The following LRRC4C variants were observed in gnomAD, a reference collection of about 807,000 sequenced individuals.
LRRC4C encodes leucine rich repeat containing 4C, also known as leucine-rich repeat-containing protein 4C.
A neutral mutation model predicts 33.6 loss-of-function variants in LRRC4C; 5 were observed. The observed-to-expected ratio is 0.15, with a 90% confidence interval of 0.08 to 0.31. The LOEUF (loss-of-function observed/expected upper bound fraction) is 0.31, where lower values mean the gene tolerates loss of function less well. LRRC4C is among the 10% of genes least tolerant of loss of function. The probability of loss-of-function intolerance (pLI) is 1.00; values close to 1 mark genes in which losing one functional copy is unlikely to be tolerated. For synonymous variants in LRRC4C, 329 were observed against 302.0 expected (o/e 1.09, Z -0.93); for missense variants, 560 against 796.7 (o/e 0.70, Z 3.58).
intron 3 of LRRC4C, among the ~76,000 whole-genome samples, chr11:40,516,126 A>G: frequency 6.6e-6 from 1 of 152,196 alleles, no homozygotes; most frequent in East Asian, 1.9e-4. Flanking sequence ...CTAATACTAT[A>G]GTGGCATTAC....
chr11:40,198,988 G>T (rs1196281438), intron 5 of LRRC4C, among the ~76,000 whole-genome samples: 2 of 152,226 alleles, frequency 1.3e-5, no homozygotes, highest in Non-Finnish European at 2.9e-5. Flanking sequence ...AGATTCCGAG[G>T]CAGGAGCACG....
chr11:40,440,773 G>A (rs11035844), intron 3 of LRRC4C, among the ~76,000 whole-genome samples: 55,098 of 151,756 alleles, frequency 0.36, 10,638 homozygotes, highest in East Asian at 0.53. Context: ...AACAGATCCT[G>A]TACAACGCAG....
chr11:41,312,221 T>C (rs1950662288), intron 1 of LRRC4C, among the ~76,000 whole-genome samples: 1 of 152,234 alleles, frequency 6.6e-6, no homozygotes, highest in Non-Finnish European at 1.5e-5. Flanking sequence ...CCTAAGTTTC[T>C]ATATTCTACA....
At chr11:40,873,011 G>C (rs1270032815) in intron 2 of LRRC4C, among the ~76,000 whole-genome samples, 2 of 152,072 alleles carry the variant, frequency 1.3e-5, no homozygotes, top group Non-Finnish European at 2.9e-5. Flanking sequence ...ATGCAGATGA[G>C]GGGAAAAATA....
intron 2 of LRRC4C, among the ~76,000 whole-genome samples, chr11:40,699,137 G>C (rs188784502): frequency 6.6e-6 from 1 of 152,048 alleles, no homozygotes; most frequent in Non-Finnish European, 1.5e-5. Context: ...ACCTAAATCC[G>C]TTCATTACAA....
chr11:40,780,591 G>T (rs931149773), intron 2 of LRRC4C, among the ~76,000 whole-genome samples: 5 of 152,088 alleles, frequency 3.3e-5, no homozygotes, highest in African/African-American at 1.2e-4. Flanking sequence ...AGAGGAGGGT[G>T]TTTGACCTTT....
intron 3 of LRRC4C, among the ~76,000 whole-genome samples, chr11:40,530,212 A>C (rs1956218600): frequency 6.6e-6 from 1 of 152,096 alleles, no homozygotes; most frequent in South Asian, 2.1e-4. Context: ...CTCTAAAATT[A>C]TGATTTTAAT....
At chr11:40,367,794 C>A (rs1948276598) in intron 3 of LRRC4C, among the ~76,000 whole-genome samples, 1 of 152,098 alleles carries the variant, frequency 6.6e-6, no homozygotes, top group Admixed American at 6.6e-5. Flanking sequence ...TTCTCCACAG[C>A]AGTTATCTTC....
intron 2 of LRRC4C, among the ~76,000 whole-genome samples, chr11:40,736,216 A>G (rs543406200): frequency 1.3e-5 from 2 of 149,814 alleles, no homozygotes; most frequent in African/African-American, 4.9e-5. Flanking sequence ...CCCTGTGTCC[A>G]TGTGTTCTCA....
intron 2 of LRRC4C, among the ~76,000 whole-genome samples, chr11:40,906,845 A>T (rs921436120): frequency 4.6e-5 from 7 of 152,214 alleles, no homozygotes; most frequent in Middle Eastern, 3.2e-3. Context: ...ACAGAAAAAG[A>T]AAAGATAAAG....
intron 3 of LRRC4C, among the ~76,000 whole-genome samples, chr11:40,441,886 G>T (rs1015188430): frequency 6.6e-6 from 1 of 152,124 alleles, no homozygotes; most frequent in Non-Finnish European, 1.5e-5. Flanking sequence ...GAACTGGCTG[G>T]GCACCGTGGC....
At chr11:41,420,243 A>T (rs1506723) in intron 1 of LRRC4C, among the ~76,000 whole-genome samples, 1 of 151,836 alleles carries the variant, frequency 6.6e-6, no homozygotes, top group Non-Finnish European at 1.5e-5. Context: ...ATCCAGGGGC[A>T]ACACAGCCTT....
intron 3 of LRRC4C, among the ~76,000 whole-genome samples, chr11:40,515,458 CTT>C (rs1238446362): frequency 6.6e-6 from 1 of 152,018 alleles, no homozygotes; most frequent in Non-Finnish European, 1.5e-5. Flanking sequence ...TACTTAAAAA[CTT>C]TTTAGCTCAG....
chr11:40,451,921 G>A (rs1951905785), intron 3 of LRRC4C, among the ~76,000 whole-genome samples: 1 of 152,122 alleles, frequency 6.6e-6, no homozygotes, highest in Non-Finnish European at 1.5e-5. Flanking sequence ...CATCTCACTG[G>A]GGATTGTCAG....
At chr11:40,796,650 T>TTA (rs1554962553) in intron 2 of LRRC4C, among the ~76,000 whole-genome samples, 2 of 138,328 alleles carry the variant, frequency 1.4e-5, no homozygotes, top group South Asian at 2.2e-4. Context: ...TTTTTTTTTT[T>TTA]TTTTTTTTTA....
At chr11:41,150,116 T>A (rs1035511037) in intron 1 of LRRC4C, among the ~76,000 whole-genome samples, 16 of 152,200 alleles carry the variant, frequency 1.1e-4, no homozygotes, top group African/African-American at 3.6e-4. Context: ...CTTACTCTTG[T>A]GACCAAAATC....
chr11:40,602,202 AAAAAAAAAG>A (rs1311294936), intron 3 of LRRC4C, among the ~76,000 whole-genome samples: 3 of 116,024 alleles, frequency 2.6e-5, no homozygotes, highest in East Asian at 2.1e-4. Context: ...TCAAAAAAAA[AAAAAAAAAG>A]AAAAAAAAAG....
chr11:40,174,243 G>A (rs187853646), intron 5 of LRRC4C, among the ~76,000 whole-genome samples: 143 of 152,208 alleles, frequency 9.4e-4, no homozygotes, highest in African/African-American at 3.3e-3. Context: ...TGTGTTATGC[G>A]AAGAATACAC....
chr11:41,122,713 C>T (rs1301153036), intron 1 of LRRC4C, among the ~76,000 whole-genome samples: 1 of 151,834 alleles, frequency 6.6e-6, no homozygotes, highest in African/African-American at 2.4e-5. Context: ...TGTTAGAATT[C>T]AGACTTTCCA....
Sources: gnomAD v4.1 joint callset for allele counts (sites outside exome capture counted in the v4.1 genomes callset) on GRCh38, gnomAD v4.1.1 for gene constraint, MANE v1.5 for transcripts, NCBI Gene and HGNC (gene_info 2026-07-23, HGNC 2026-07-21) for gene names.